IL12RB2: variants seen among roughly 807,000 people sequenced by gnomAD.
The protein encoded by IL12RB2 is interleukin-12 receptor subunit beta-2.
In IL12RB2, 82 loss-of-function variants were observed where a neutral mutation model predicts 89.4. The ratio of observed to expected loss-of-function variants is 0.92; its 90% CI spans 0.77 to 1.10. The LOEUF (loss-of-function observed/expected upper bound fraction) is 1.10. Ranked by LOEUF, IL12RB2 falls within the 50% of genes least tolerant of loss-of-function variation. The pLI, the probability that IL12RB2 is intolerant of heterozygous loss-of-function variation, is 0.00. For missense variants in IL12RB2, 963 were observed against 1,031.9 expected, an observed-to-expected ratio of 0.93 and a Z score of 0.92; for synonymous variants, 368 against 370.1, an observed-to-expected ratio of 0.99 and a Z score of 0.07.
At chr1:67,327,205 C>T (rs868542662) in intron 5 of IL12RB2, among the ~76,000 whole-genome samples, 13 of 151,998 alleles carry the variant, frequency 8.6e-5, no homozygotes, top group Middle Eastern at 3.2e-3. Context: ...GTGATCCACC[C>T]GCCTCAGCCT....
intron 14 of IL12RB2, among the ~76,000 whole-genome samples, chr1:67,381,852 G>A (rs1664628415): frequency 6.6e-6 from 1 of 151,886 alleles, no homozygotes; most frequent in Admixed American, 6.6e-5. Context: ...TGGGAGCGGT[G>A]GTACATGCCT....
intron 6 of IL12RB2, 27 bp from the exon 7 acceptor site, chr1:67,329,560 C>T (rs745604233): frequency 5.4e-6 from 8 of 1,478,186 alleles, no homozygotes; most frequent in Non-Finnish European, 6.6e-6. Context: ...TCCTGAACCA[C>T]ACTTTTTTGT....
chr1:67,341,021 C>A (rs1558317276), intron 9 of IL12RB2, among the ~76,000 whole-genome samples: 2 of 152,204 alleles, frequency 1.3e-5, no homozygotes, highest in Admixed American at 1.3e-4. Flanking sequence ...GGTTGAACAT[C>A]TCTTATTGTT....
chr1:67,366,589 C>T (rs997030136), intron 10 of IL12RB2, among the ~76,000 whole-genome samples: 2 of 151,748 alleles, frequency 1.3e-5, no homozygotes, highest in Admixed American at 1.3e-4. Flanking sequence ...GAAATGAGAG[C>T]CTTCATGCTT....
chr1:67,319,233 A>G (rs1401722208), intron 2 of IL12RB2, among the ~76,000 whole-genome samples: 3 of 152,196 alleles, frequency 2.0e-5, no homozygotes, highest in African/African-American at 7.2e-5. Flanking sequence ...GTGGCCTGAC[A>G]TCACAGAACT....
chr1:67,372,666 A>G lies in IL12RB2; in HGVS notation c.1600A>G (p.Lys534Glu). 2 of 1,613,452 alleles carry G rather than the reference A, an allele frequency of 1.2e-6. No homozygotes were observed. The highest frequency in any genetic ancestry group is 1.7e-6 in the Non-Finnish European group (2 of 1,179,368). ...GPHINAITEE[K>E]GSILISWNSI... ...CCACATTAATGCCATCACAGAGGAA[A>G]AGGGGAGCATTTTAATTTCATGGAA... The change falls in exon 13 of 17, where the codon AAG (lysine) becomes GAG (glutamate). Residue 534 changes from lysine (K) to glutamate (E), a missense_variant. By Grantham distance (56) the Lys-to-Glu change is moderately conservative. Coordinates refer to ENST00000674203, the MANE Select transcript of IL12RB2 (RefSeq NM_001374259.2).
chr1:67,307,819 G>C (rs1398669860), upstream of IL12RB2: 1 of 152,200 alleles, frequency 6.6e-6, no homozygotes, highest in Non-Finnish European at 1.5e-5. Flanking sequence ...GCGCAGAGGC[G>C]GGAGGCGGAG....
At chr1:67,362,908 C>CT (rs1557447797) in intron 10 of IL12RB2, among the ~76,000 whole-genome samples, 1 of 115,346 alleles carries the variant, frequency 8.7e-6, no homozygotes, top group African/African-American at 2.6e-5. Context: ...TTTAATTACT[C>CT]GTTTTTTTTT....
At chr1:67,311,633 T>G (rs1008699047) in intron 1 of IL12RB2, among the ~76,000 whole-genome samples, 2 of 152,226 alleles carry the variant, frequency 1.3e-5, no homozygotes, top group Non-Finnish European at 2.9e-5. Flanking sequence ...ACCTCTATTT[T>G]GCAATGATAT....
intron 13 of IL12RB2, among the ~76,000 whole-genome samples, chr1:67,377,597 T>C (rs530199066): frequency 1.3e-5 from 2 of 152,130 alleles, no homozygotes; most frequent in East Asian, 1.9e-4. Context: ...TAATTGACCC[T>C]TTACCCCTCC....
intron 2 of IL12RB2, among the ~76,000 whole-genome samples, chr1:67,319,780 A>G (rs1656251970): frequency 6.6e-6 from 1 of 152,014 alleles, no homozygotes; most frequent in Non-Finnish European, 1.5e-5. Flanking sequence ...TAAAATCCTA[A>G]CTCTCAAGGT....
In IL12RB2 at chr1:67,396,203, C is replaced by A; in HGVS notation, c.*114C>A. On this transcript the variant is annotated 3_prime_UTR_variant, in exon 17 of 17. Coordinates refer to ENST00000674203, the MANE Select transcript of IL12RB2 (RefSeq NM_001374259.2). Reference sequence around the variant, plus strand: ...TCTCTGGGTGCCACCATCGGTCTGGCTGCAGCTAGAGGACAGGCAAGCCAG... The same window carrying A: ...TCTCTGGGTGCCACCATCGGTCTGGATGCAGCTAGAGGACAGGCAAGCCAG... The A allele has an allele frequency of 1.3e-6, 1 of 796,914 alleles. No individual in the cohort carries two copies. The highest frequency in any genetic ancestry group is 2.2e-6 in the Non-Finnish European group (1 of 448,310). 49.4% of individuals were successfully genotyped at this position (796,914 alleles called of 1,614,324 possible).
Position 67,397,769 on chromosome 1 carries a change from C to A in IL12RB2, c.*1680C>A, listed in dbSNP as rs1666452176. Among the ~76,000 whole-genome samples, 1 of 150,890 alleles carries A rather than the reference C, an allele frequency of 6.6e-6. No homozygotes were observed. The highest frequency in any genetic ancestry group is 2.5e-5 in the African/African-American group (1 of 40,194). ...ATTCCTGTCAAGCCTGGGGTCCACC[C>A]CGTACCCCTTCCCACATGAACGCTG... On this transcript the variant is annotated 3_prime_UTR_variant, in exon 17 of 17. Coordinates refer to ENST00000674203, the MANE Select transcript of IL12RB2 (RefSeq NM_001374259.2).
At chr1:67,370,821 G>T (rs541027058) in intron 11 of IL12RB2, among the ~76,000 whole-genome samples, 2 of 152,256 alleles carry the variant, frequency 1.3e-5, no homozygotes, top group South Asian at 4.2e-4. Context: ...CTCTACTCTT[G>T]GTGGAAAGGG....
chr1:67,330,501 T>A (rs1558307948), intron 7 of IL12RB2, among the ~76,000 whole-genome samples, 159 bp from the exon 8 acceptor site: 1 of 152,054 alleles, frequency 6.6e-6, no homozygotes, highest in Non-Finnish European at 1.5e-5. Context: ...TCATATCTAT[T>A]CGGTAAGACA....
intron 10 of IL12RB2, among the ~76,000 whole-genome samples, chr1:67,354,861 G>T (rs1426208422): frequency 6.6e-6 from 1 of 152,208 alleles, no homozygotes; most frequent in Admixed American, 6.6e-5. Context: ...GATTTATGCT[G>T]ATTTTGAGAG....
At chr1:67,346,412 G>T (rs775052826) in intron 9 of IL12RB2, among the ~76,000 whole-genome samples, 1 of 120,114 alleles carries the variant, frequency 8.3e-6, no homozygotes, top group African/African-American at 3.3e-5. Flanking sequence ...TTTTCGACAG[G>T]TTCTCACTCT....
At position 67,321,803 on chromosome 1, in the gene IL12RB2, C is replaced by A. The variant is rs1471373323; in HGVS notation, c.278C>A (p.Pro93His). Reference sequence around the variant, plus strand: ...CTCAATTCTCAAGTCACAGGTCTTCCCCTTGGTACAACCTTGTTTGTCTGC... The same window carrying A: ...CTCAATTCTCAAGTCACAGGTCTTCACCTTGGTACAACCTTGTTTGTCTGC... ...HSLNSQVTGL[P>H]LGTTLFVCKL... The change falls in exon 4 of 17, where the codon CCC becomes CAC. Residue 93 changes from proline to histidine, a missense_variant. By Grantham distance (77) the Pro-to-His change is moderately conservative. Transcript: ENST00000674203. 1 of 1,611,804 alleles carries A rather than the reference C, an allele frequency of 6.2e-7. No homozygotes were observed. The highest frequency in any genetic ancestry group is 1.3e-5 in the African/African-American group (1 of 74,970).
chr1:67,394,809 C>T (rs1230061464), intron 16 of IL12RB2, among the ~76,000 whole-genome samples: 1 of 152,222 alleles, frequency 6.6e-6, no homozygotes, highest in African/African-American at 2.4e-5. Flanking sequence ...AAACACCACA[C>T]ATCTCTCAGG....
Sources: allele counts gnomAD v4.1 joint callset (sites outside exome capture counted in the v4.1 genomes callset), GRCh38; gene constraint gnomAD v4.1.1; transcripts MANE v1.5; gene names NCBI Gene and HGNC (gene_info 2026-07-23, HGNC 2026-07-21).